Variants in SLC18B1 observed in about 807,000 individuals in gnomAD.
The protein encoded by SLC18B1 is MFS-type transporter SLC18B1.
Under a neutral mutation model 53.9 loss-of-function variants are expected in SLC18B1, and 62 were observed. The ratio of observed to expected loss-of-function variants is 1.15; its 90% CI spans 0.94 to 1.42. The LOEUF (loss-of-function observed/expected upper bound fraction) is 1.42, where lower values mean the gene tolerates loss of function less well. Ranked by LOEUF, SLC18B1 falls within the 40% of genes most tolerant of loss-of-function variation. The pLI, the probability that SLC18B1 is intolerant of heterozygous loss-of-function variation, is 0.00. For synonymous variants in SLC18B1, 217 were observed against 200.9 expected (o/e 1.08, Z -0.68); for missense variants, 598 against 547.3 (o/e 1.09, Z -0.93).
chr6:132,793,233 C>G (rs113808340), intron 2 of SLC18B1, among the ~76,000 whole-genome samples: 63 of 152,352 alleles, frequency 4.1e-4, no homozygotes, highest in African/African-American at 1.4e-3. Flanking sequence ...AAGAAAGGCA[C>G]TGTTTTTCCT....
intron 5 of SLC18B1, 70 bp downstream of exon 5, chr6:132,787,364 T>C: frequency 7.0e-7 from 1 of 1,419,694 alleles, no homozygotes; most frequent in Non-Finnish European, 9.3e-7. Context: ...GGACCCCAGC[T>C]TTAACTTGGA....
chr6:132,795,525 G>A (rs6934190), intron 2 of SLC18B1, among the ~76,000 whole-genome samples: 14,383 of 152,216 alleles, frequency 0.094, 1,079 homozygotes, highest in African/African-American at 0.21. Context: ...ATGGGTACAT[G>A]GCAATATTGT....
At chr6:132,787,039 T>C (rs1781396005) in intron 5 of SLC18B1, among the ~76,000 whole-genome samples, 1 of 152,170 alleles carries the variant, frequency 6.6e-6, no homozygotes, top group Admixed American at 6.5e-5. Context: ...AGGCCTTTAG[T>C]ATGAATTGAT....
rs1013510931 is a variant in SLC18B1 at position 132,789,825 on chromosome 6, C to G, written c.292G>C (p.Gly98Arg). 1.9e-6 allele frequency: 3 copies of G among 1,611,012 alleles called. No homozygotes were observed. In the African/African-American group the frequency reaches 4.0e-5, roughly 22 times the overall value. Residue 98 changes from glycine (G) to arginine (R), a missense_variant, in exon 4 of 14, where the codon GGA (glycine) becomes CGA (arginine). Coordinates refer to ENST00000275227, the MANE Select transcript of SLC18B1 (RefSeq NM_052831.3). ...CCTGCTACAAACATAAATTTTGCTC[C>G]AATATGTACAAGCTATAATAAATGT... ...LVFGNYLVHI[G>R]AKFMFVAGMF...
intron 6 of SLC18B1, among the ~76,000 whole-genome samples, chr6:132,783,111 A>G (rs1433054836): frequency 6.6e-6 from 1 of 152,098 alleles, no homozygotes; most frequent in African/African-American, 2.4e-5. Flanking sequence ...ACTAATTGGG[A>G]ATACTTAAAT....
At chr6:132,795,939 G>T (rs1163987040) in intron 2 of SLC18B1, among the ~76,000 whole-genome samples, 1 of 152,196 alleles carries the variant, frequency 6.6e-6, no homozygotes, top group Non-Finnish European at 1.5e-5. Flanking sequence ...GGGGCTGGGC[G>T]TGGTGGCTCA....
At chr6:132,789,255 T>G (rs1422921095) in intron 4 of SLC18B1, among the ~76,000 whole-genome samples, 5 of 152,150 alleles carry the variant, frequency 3.3e-5, no homozygotes, top group Non-Finnish European at 5.9e-5. Context: ...TCAGCAAAGG[T>G]CAGGCCAGCG....
chr6:132,797,917 T>C (rs1781741380), intron 1 of SLC18B1, among the ~76,000 whole-genome samples: 1 of 152,228 alleles, frequency 6.6e-6, no homozygotes, highest in Admixed American at 6.5e-5. Flanking sequence ...CAGCCATTTA[T>C]AAATTAAATT....
chr6:132,772,508 T>C (rs1781002604), intron 10 of SLC18B1, among the ~76,000 whole-genome samples: 1 of 152,168 alleles, frequency 6.6e-6, no homozygotes, highest in Non-Finnish European at 1.5e-5. Flanking sequence ...GAGATGAAGA[T>C]GGAAAGAGAA....
intron 2 of SLC18B1, among the ~76,000 whole-genome samples, chr6:132,796,309 C>A (rs1398607535): frequency 1.4e-5 from 2 of 141,610 alleles, no homozygotes; most frequent in Non-Finnish European, 3.0e-5. Context: ...GAGCCGAGAT[C>A]GCGCCACTGC....
intron 4 of SLC18B1, among the ~76,000 whole-genome samples, chr6:132,788,925 CAAAAAA>C (rs11439950): frequency 9.5e-6 from 1 of 104,896 alleles, no homozygotes. Flanking sequence ...CTGAAACCTT[CAAAAAA>C]AAAAAAAAAA....
Position 132,779,408 on chromosome 6 carries a change from T to C in SLC18B1, c.659-4A>G, listed in dbSNP as rs750717515. ...GAGTGTTCACCTGGATCAGACTCTT[T>C]AGGGAAAAAATGAAAAAAGAAAAAA... On this transcript the variant is annotated splice_region_variant and splice_polypyrimidine_tract_variant and intron_variant, in intron 6 of 13. Coordinates refer to ENST00000275227, the MANE Select transcript of SLC18B1 (RefSeq NM_052831.3). The C allele has an allele frequency of 7.0e-6, 11 of 1,567,122 alleles. No individual in the cohort carries two copies. Among genetic ancestry groups the C allele is most frequent in the South Asian group, 5.9e-5 (5 of 84,578 alleles).
chr6:132,792,276 AAAGAAAGGAAGAAAGG>A (rs1562271380), intron 2 of SLC18B1, among the ~76,000 whole-genome samples: 5 of 51,632 alleles, frequency 9.7e-5, no homozygotes, highest in African/African-American at 1.2e-4. Context: ...AGAAAGAAAG[AAAGAAAGGAAGAAAGG>A]AAGGAAGGAA....
At chr6:132,789,487 A>G (rs1296696480) in intron 4 of SLC18B1, 1 of 284,878 alleles carries the variant, frequency 3.5e-6, no homozygotes, top group African/African-American at 2.2e-5. Context: ...TCCGTGACTC[A>G]GAAAAGTGAG....
rs1453329266 is a variant in SLC18B1, at chr6:132,770,940, C to A, written c.1255-1G>T. 2 of 1,612,764 alleles carry A rather than the reference C, an allele frequency of 1.2e-6. No homozygotes were observed. Among genetic ancestry groups the A allele is most frequent in the East Asian group, 4.5e-5 (2 of 44,856 alleles). ...GATAAAACAAGCCCATGGCTAATCCCTTAAACACAATTAAAAGTACTGATT... is the reference window on the plus strand; with the variant it reads ...GATAAAACAAGCCCATGGCTAATCCATTAAACACAATTAAAAGTACTGATT... On this transcript the variant is annotated splice_acceptor_variant, in intron 12 of 13. Coordinates refer to ENST00000275227, the MANE Select transcript of SLC18B1 (RefSeq NM_052831.3). LOFTEE classifies it high-confidence loss of function.
chr6:132,792,371 A>G lies in SLC18B1; in HGVS notation c.184-2099T>C, dbSNP rs1411709949. ...AGGAAGGAAGGGAAAGAAAGAAAAG[A>G]AGGAAAGAAAGAGAAAGAAGGAAAG... On this transcript the variant is annotated intron_variant, in intron 2 of 13. Transcript: ENST00000275227. Among the ~76,000 whole-genome samples the G allele has an allele frequency of 2.1e-5, 3 of 140,036 alleles. 1 individual carries two copies. The highest frequency in any genetic ancestry group is 9.4e-5 in the African/African-American group (3 of 32,002). The allele number at this position is 140,036 out of a possible 152,430, so 91.9% of individuals were successfully genotyped here.
intron 5 of SLC18B1, among the ~76,000 whole-genome samples, 160 bp downstream of exon 5, chr6:132,787,274 T>C (rs1297767846): frequency 6.6e-6 from 1 of 152,212 alleles, no homozygotes; most frequent in South Asian, 2.1e-4. Context: ...TTACATTTAT[T>C]GACAGGCTTG....
chr6:132,787,485 T>A lies in SLC18B1; in HGVS notation c.450A>T (p.Ala150=). ...AAGCCTTTGCCAGGATAGAAGAAGA[T>A]GCAGTCATTGCTGCAGCAAAGCTAA... The part of the protein sequence containing the change: ...DAVSFAAAMT[A]SSSILAKAFP... The change falls in exon 5 of 14, where the codon GCA becomes GCT. Residue 150 remains alanine, a synonymous_variant. Coordinates refer to ENST00000275227, the MANE Select transcript of SLC18B1 (RefSeq NM_052831.3). The A allele has an allele frequency of 6.2e-7, 1 of 1,608,436 alleles. No homozygotes were observed. The highest frequency in any genetic ancestry group is 1.1e-5 in the South Asian group (1 of 89,978).
intron 3 of SLC18B1, 74 bp downstream of exon 3, chr6:132,790,103 C>A (rs1781485012): frequency 3.6e-6 from 4 of 1,121,592 alleles, no homozygotes; most frequent in Non-Finnish European, 5.1e-6. Flanking sequence ...AATGCAAATT[C>A]TAGACTAGTA....
Sources: allele counts gnomAD v4.1 joint callset (sites outside exome capture counted in the v4.1 genomes callset), GRCh38; gene constraint gnomAD v4.1.1; transcripts MANE v1.5; gene names NCBI Gene and HGNC (gene_info 2026-07-23, HGNC 2026-07-21).